Variants in BRAF observed in about 807,000 individuals in gnomAD.
BRAF encodes serine/threonine-protein kinase B-raf.
Under a neutral mutation model 104.6 loss-of-function variants are expected in BRAF, and 16 were observed. The ratio of observed to expected loss-of-function variants is 0.15; its 90% CI spans 0.10 to 0.23. The LOEUF is 0.23. Ranked by LOEUF, BRAF falls within the 10% of genes least tolerant of loss-of-function variation. BRAF has a pLI of 1.00. For synonymous variants in BRAF, 310 were observed against 341.6 expected, an observed-to-expected ratio of 0.91 and a Z score of 1.02; for missense variants, 541 against 937.3, an observed-to-expected ratio of 0.58 and a Z score of 5.52.
chr7:140,745,506 T>C (rs927618503), intron 17 of BRAF, among the ~76,000 whole-genome samples: 1 of 152,208 alleles, frequency 6.6e-6, no homozygotes, highest in Non-Finnish European at 1.5e-5. Context: ...ATGTTATTCA[T>C]GGACAGAAGA....
At chr7:140,785,658 G>C (rs1337482580) in intron 10 of BRAF, 5 of 398,762 alleles carry the variant, frequency 1.3e-5, no homozygotes, top group Non-Finnish European at 2.2e-5. Context: ...AGTTTGCTTT[G>C]GGTGAAAACA....
Position 140,723,666 on chromosome 7 carries a change from CTG to C in BRAF, c.*2826_*2827del. The C allele has an allele frequency of 9.5e-7, 1 of 1,050,916 alleles. No homozygotes were observed. Among genetic ancestry groups the C allele is most frequent in the Non-Finnish European group, 1.1e-6 (1 of 870,270 alleles). 65.1% of individuals were successfully genotyped at this position (1,050,916 alleles called of 1,614,324 possible). ...ATACTACACAGTTACAAACAATCCT[CTG>C]TAGTTGCTCTCAAATTTTTCAGAAG... On this transcript the variant is annotated 3_prime_UTR_variant, in exon 20 of 20. Transcript: ENST00000644969.
intron 19 of BRAF, among the ~76,000 whole-genome samples, chr7:140,728,155 C>T (rs541332406): frequency 1.3e-3 from 194 of 152,216 alleles, no homozygotes; most frequent in African/African-American, 4.5e-3. Flanking sequence ...TGATGCCTCA[C>T]GGAACAGTTT....
At chr7:140,914,312 C>A (rs1350405105) in intron 1 of BRAF, among the ~76,000 whole-genome samples, 1 of 152,176 alleles carries the variant, frequency 6.6e-6, no homozygotes, top group African/African-American at 2.4e-5. Context: ...GAAAGGCAAG[C>A]ATTCAACTGA....
At chr7:140,751,712 T>C (rs1286488632) in intron 16 of BRAF, among the ~76,000 whole-genome samples, 1 of 152,148 alleles carries the variant, frequency 6.6e-6, no homozygotes, top group Non-Finnish European at 1.5e-5. Context: ...CCTGCCCTAA[T>C]TCCACTTACT....
intron 8 of BRAF, among the ~76,000 whole-genome samples, chr7:140,793,001 G>T (rs1802136976): frequency 6.6e-6 from 1 of 152,198 alleles, no homozygotes; most frequent in Admixed American, 6.5e-5. Flanking sequence ...CTATTTAGGA[G>T]ATTAATGTAG....
Position 140,834,591 on chromosome 7 carries a change from A to G in BRAF, c.504+18T>C, listed in dbSNP as rs1263341546. ...AATACAAAGAAACAGCAAAATGGTG[A>G]TATTAAAACTGACTCACCACTGTCC... is the stretch of plus-strand genomic sequence containing the variant. On this transcript the variant is annotated intron_variant, in intron 3 of 19. Transcript: ENST00000644969. 8 of 1,613,868 alleles carry G rather than the reference A, an allele frequency of 5.0e-6. No homozygotes were observed. Among genetic ancestry groups the G allele is most frequent in the Admixed American group, 1.7e-5 (1 of 60,024 alleles).
intron 17 of BRAF, chr7:140,740,854 T>C (rs994175201): frequency 6.6e-6 from 1 of 152,230 alleles, no homozygotes; most frequent in African/African-American, 2.4e-5. Context: ...GTGGCCTCTA[T>C]GTAGTAGAGG....
In BRAF at chr7:140,771,821, T is replaced by C. The variant is rs567574331; in HGVS notation, c.1814+5091A>G. 1.9e-4 allele frequency among the ~76,000 whole-genome samples: 29 copies of C among 152,164 alleles called. No individual in the cohort carries two copies. In the South Asian group the frequency reaches 6.0e-3, roughly 32 times the overall value. ...AGAGTTGAAAGGAGGCACAGTAAGA[T>C]GGTGGCTGTGATGGTCACAGAGAAT... On this transcript the variant is annotated intron_variant, in intron 14 of 19. Transcript: ENST00000644969.
At position 140,914,272 on chromosome 7, in the gene BRAF, G is replaced by A. The variant is rs142308741; in HGVS notation, c.138+10294C>T. On this transcript the variant is annotated intron_variant, in intron 1 of 19. Transcript: ENST00000644969. ...ACTAGAAGTTCAGTGCATACCATAAGGAGGGGGAGGAGGATCAAGAGATGC... is the reference window on the plus strand; with the variant it reads ...ACTAGAAGTTCAGTGCATACCATAAAGAGGGGGAGGAGGATCAAGAGATGC... Among the ~76,000 whole-genome samples, 4 of 152,308 alleles carry A rather than the reference G, an allele frequency of 2.6e-5. No individual in the cohort carries two copies. The East Asian group carries it at 5.8e-4, about 22-fold the overall frequency.
chr7:140,875,468 C>T (rs572838910), intron 1 of BRAF, among the ~76,000 whole-genome samples: 6 of 152,176 alleles, frequency 3.9e-5, no homozygotes, highest in African/African-American at 1.2e-4. Context: ...CTCCGCCTCC[C>T]GGGCTCAAGC....
Position 140,724,704 on chromosome 7 carries a change from A to AT in BRAF, c.*1789dup, listed in dbSNP as rs1189716597. On this transcript the variant is annotated 3_prime_UTR_variant, in exon 20 of 20. Transcript: ENST00000644969. Reference sequence around the variant, plus strand: ...GCAGGGCCTGGAGTTACAATCTGAAATTTTTAAATAACAATTTCTAATTCC... The same window carrying AT: ...GCAGGGCCTGGAGTTACAATCTGAAATTTTTTAAATAACAATTTCTAATTCC... The AT allele has an allele frequency of 5.8e-6, 6 of 1,032,546 alleles. No homozygotes were observed. Among genetic ancestry groups the AT allele is most frequent in the African/African-American group, 1.7e-5 (1 of 59,202 alleles). 64.0% of individuals were successfully genotyped at this position (1,032,546 alleles called of 1,614,324 possible). A position where few individuals can be genotyped will look rare whatever the true frequency, so the allele number is the denominator to read the frequency against.
chr7:140,896,728 T>C (rs888824221), intron 1 of BRAF, among the ~76,000 whole-genome samples: 2 of 152,004 alleles, frequency 1.3e-5, no homozygotes, highest in African/African-American at 2.4e-5. Flanking sequence ...AAGCCGGGCA[T>C]GGTGGTGTGC....
intron 12 of BRAF, among the ~76,000 whole-genome samples, chr7:140,779,240 T>C (rs1800620181): frequency 6.6e-6 from 1 of 152,108 alleles, no homozygotes; most frequent in South Asian, 2.1e-4. Flanking sequence ...TCTGTTTATT[T>C]AATTTTTTTA....
At chr7:140,739,697 G>C (rs745567884) in intron 18 of BRAF, 115 bp downstream of exon 17, 117 of 1,233,646 alleles carry the variant, frequency 9.5e-5, no homozygotes, top group Non-Finnish European at 1.2e-4. Context: ...CTTGTCTGGA[G>C]TCTGCACATA....
chr7:140,892,829 A>G (rs1295452512), intron 1 of BRAF, among the ~76,000 whole-genome samples: 1 of 152,224 alleles, frequency 6.6e-6, no homozygotes, highest in Admixed American at 6.5e-5. Flanking sequence ...ATCAAGTCAC[A>G]TAAAATAAAA....
At chr7:140,888,125 G>A (rs897531556) in intron 1 of BRAF, among the ~76,000 whole-genome samples, 3 of 152,074 alleles carry the variant, frequency 2.0e-5, no homozygotes, top group Admixed American at 6.5e-5. Context: ...CGTCTACCTC[G>A]GCCTTCCAAA....
chr7:140,787,839 TTC>T (rs1461626673), intron 8 of BRAF, among the ~76,000 whole-genome samples: 7 of 152,186 alleles, frequency 4.6e-5, no homozygotes, highest in Non-Finnish European at 1.0e-4. Flanking sequence ...TTTCAGGCCA[TTC>T]AAAACCAATG....
At chr7:140,871,702 G>A (rs1350773674) in intron 1 of BRAF, among the ~76,000 whole-genome samples, 4 of 152,158 alleles carry the variant, frequency 2.6e-5, no homozygotes, top group African/African-American at 9.7e-5. Context: ...TTCTTAAATT[G>A]TAGAGCTGTG....
Sources: gnomAD v4.1 joint callset for allele counts (sites outside exome capture counted in the v4.1 genomes callset) on GRCh38, gnomAD v4.1.1 for gene constraint, MANE v1.5 for transcripts, NCBI Gene and HGNC (gene_info 2026-07-23, HGNC 2026-07-21) for gene names.